FBXL18: variants seen among roughly 807,000 people sequenced by gnomAD.
FBXL18 encodes F-box/LRR-repeat protein 18.
In FBXL18, 36 loss-of-function variants were observed where a neutral mutation model predicts 46.0. The ratio of observed to expected loss-of-function variants is 0.78; its 90% confidence interval spans 0.60 to 1.03. The LOEUF (loss-of-function observed/expected upper bound fraction) is 1.03, where lower values mean the gene tolerates loss of function less well. FBXL18 is among the 50% of genes least tolerant of loss of function. FBXL18 has a pLI of 0.00. For missense variants in FBXL18, 977 were observed against 1,004.1 expected, an observed-to-expected ratio of 0.97 and a Z score of 0.36; for synonymous variants, 557 against 465.3, an observed-to-expected ratio of 1.20 and a Z score of -2.54.
In FBXL18 at chr7:5,481,703, A is replaced by T; in HGVS notation, c.*72T>A. ...GGCCCCCTTCCTCTTGTGACAAACC[A>T]AGGGTCCCTGGCGTCCCAGGCTCCT... On this transcript the variant is annotated 3_prime_UTR_variant, in exon 5 of 5. Coordinates refer to ENST00000382368, the MANE Select transcript of FBXL18 (RefSeq NM_024963.6). 1 of 1,544,540 alleles carries T rather than the reference A, an allele frequency of 6.5e-7. No individual in the cohort carries two copies. Among genetic ancestry groups the T allele is most frequent in the Non-Finnish European group, 8.8e-7 (1 of 1,130,802 alleles).
chr7:5,468,534 C>T (rs1396290022), intron 4 of FBXL18, among the ~76,000 whole-genome samples: 1 of 152,188 alleles, frequency 6.6e-6, no homozygotes, highest in Non-Finnish European at 1.5e-5. Context: ...TCCCTCTGTT[C>T]TACTTTTCGG....
intron 1 of FBXL18, among the ~76,000 whole-genome samples, chr7:5,506,266 T>G (rs1388960033): frequency 2.1e-5 from 3 of 145,548 alleles, no homozygotes; most frequent in African/African-American, 7.8e-5. Context: ...CTTTTTTTTT[T>G]TAGACAAGGT....
In FBXL18 at chr7:5,501,413, T is replaced by G; in HGVS notation, c.856A>C (p.Met286Leu). The G allele has an allele frequency of 6.2e-7, 1 of 1,613,578 alleles. No individual in the cohort carries two copies. The highest frequency in any genetic ancestry group is 8.5e-7 in the Non-Finnish European group (1 of 1,179,980). Residue 286 changes from methionine to leucine, a missense_variant, in exon 3 of 5, where the codon ATG (methionine) becomes CTG (leucine). Transcript: ENST00000382368. The part of the protein sequence containing the change: ...SGATKNLLDS[M>L]ARNVVLDALQ... The stretch of plus-strand genomic sequence containing the variant: ...GCATCCAGCACGACATTGCGCGCCA[T>G]GGAGTCCAGGAGGTTCTTGGTGGCG...
At chr7:5,484,009 A>T (rs912942998) in intron 4 of FBXL18, among the ~76,000 whole-genome samples, 1 of 152,300 alleles carries the variant, frequency 6.6e-6, no homozygotes, top group South Asian at 2.1e-4. Flanking sequence ...TAAAGACGCC[A>T]TCACACACCT....
chr7:5,490,899 C>T (rs1462373347), intron 4 of FBXL18, among the ~76,000 whole-genome samples: 3 of 152,216 alleles, frequency 2.0e-5, no homozygotes, highest in African/African-American at 7.2e-5. Context: ...GCGAAGGTCG[C>T]AGTGAGCCGA....
At chr7:5,474,189 G>A (rs1261914004), downstream of FBXL18, among the ~76,000 whole-genome samples, 2 of 152,116 alleles carry the variant, frequency 1.3e-5, no homozygotes, top group African/African-American at 4.8e-5. Flanking sequence ...AGGGGGCTGG[G>A]GAGTGAATGT....
At chr7:5,499,353 A>ACGACTGCTCTCTGAAC (rs1784168811) in intron 3 of FBXL18, among the ~76,000 whole-genome samples, 1 of 4,294 alleles carries the variant, frequency 2.3e-4, no homozygotes, top group Admixed American at 2.2e-3. Context: ...GCTCTCTGAA[A>ACGACTGCTCTCTGAAC]CGACTGCTCT....
At chr7:5,508,047 T>C (rs1784435976) in intron 1 of FBXL18, among the ~76,000 whole-genome samples, 1 of 151,816 alleles carries the variant, frequency 6.6e-6, no homozygotes, top group Non-Finnish European at 1.5e-5. Flanking sequence ...GGCAGGCGGA[T>C]CACGAAGTCA....
chr7:5,482,949 G>A (rs573302531), intron 4 of FBXL18, among the ~76,000 whole-genome samples: 1 of 150,730 alleles, frequency 6.6e-6, no homozygotes, highest in Non-Finnish European at 1.5e-5. Context: ...GAGGCAGGAG[G>A]ACCACTTGAG....
chr7:5,491,510 G>C, intron 3 of FBXL18, 61 bp from the exon 4 acceptor site: 1 of 1,399,980 alleles, frequency 7.1e-7, no homozygotes, highest in Non-Finnish European at 9.6e-7. Context: ...AGGCCAGCTG[G>C]GCGTCTGGAG....
At chr7:5,473,924 A>T (rs1783466693), downstream of FBXL18, among the ~76,000 whole-genome samples, 1 of 151,990 alleles carries the variant, frequency 6.6e-6, no homozygotes, top group Non-Finnish European at 1.5e-5. Context: ...CCTCCTAAGT[A>T]GCTGGGACTA....
intron 4 of FBXL18, among the ~76,000 whole-genome samples, chr7:5,490,405 T>C (rs1265174745): frequency 6.6e-6 from 1 of 152,180 alleles, no homozygotes; most frequent in Non-Finnish European, 1.5e-5. Context: ...TTGTGTTCAA[T>C]TCTAGGTGCT....
intron 4 of FBXL18, chr7:5,490,141 G>C (rs1783883028): frequency 1.5e-6 from 2 of 1,359,950 alleles, no homozygotes; most frequent in Non-Finnish European, 2.0e-6. Context: ...AGTGGCTCGA[G>C]ACGTCCTGGC....
At position 5,501,817 on chromosome 7, in the gene FBXL18, A is replaced by G. The variant is rs770094961; in HGVS notation, c.452T>C (p.Ile151Thr). 4.4e-5 allele frequency: 69 copies of G among 1,584,190 alleles called. No homozygotes were observed. Among genetic ancestry groups the G allele is most frequent in the Non-Finnish European group, 5.9e-5 (69 of 1,166,384 alleles). The change falls in exon 3 of 5, where the codon ATC (isoleucine) becomes ACC (threonine). Residue 151 changes from isoleucine to threonine, a missense_variant. Physicochemically the swap from Ile to Thr is moderately conservative, Grantham distance 89. Transcript: ENST00000382368. Reference protein sequence around the residue: ...SALQHLRSLAIDVSPGFDASQ... With the variant: ...SALQHLRSLATDVSPGFDASQ... ...GGCGTCGAAGCCGGGGCTCACGTCG[A>G]TGGCCAGCGAGCGCAGGTGCTGCAG...
At position 5,480,683 on chromosome 7, in the gene FBXL18, C is replaced by T. The variant is rs1207890105; in HGVS notation, c.*1092G>A. On this transcript the variant is annotated 3_prime_UTR_variant, in exon 5 of 5. Transcript: ENST00000382368. ...GGTTCAAACGATTCTCCTGCCTCAG[C>T]CTCCTGAGTAGCTAGGATTACAGGC... 1.3e-5 allele frequency: 2 copies of T among 149,700 alleles called. No homozygotes were observed. Among genetic ancestry groups the T allele is most frequent in the Admixed American group, 6.7e-5 (1 of 14,834 alleles). 9.3% of individuals were successfully genotyped at this position (149,700 alleles called of 1,614,324 possible).
At chr7:5,493,965 C>G (rs1784004158) in intron 3 of FBXL18, among the ~76,000 whole-genome samples, 1 of 151,918 alleles carries the variant, frequency 6.6e-6, no homozygotes, top group African/African-American at 2.4e-5. Context: ...CCTGTCACTA[C>G]TAAAAATACA....
At chr7:5,484,566 G>A (rs780878010) in intron 4 of FBXL18, among the ~76,000 whole-genome samples, 13 of 151,334 alleles carry the variant, frequency 8.6e-5, no homozygotes, top group Non-Finnish European at 1.8e-4. Flanking sequence ...AGACTGGAGT[G>A]CAGTGGCACA....
At chr7:5,506,877 A>G (rs920058325) in intron 1 of FBXL18, among the ~76,000 whole-genome samples, 56 of 152,184 alleles carry the variant, frequency 3.7e-4, no homozygotes, top group African/African-American at 1.3e-3. Flanking sequence ...GCTGTAGTTC[A>G]TATCTGGCAA....
chr7:5,500,752 A>G lies in FBXL18; in HGVS notation c.1517T>C (p.Ile506Thr), dbSNP rs1278607405. Residue 506 changes from isoleucine (I) to threonine (T), a missense_variant, in exon 3 of 5, where the codon ATC becomes ACC. Ile to Thr is a moderately conservative substitution (Grantham distance 89, BLOSUM62 -1). Transcript: ENST00000382368. ...GCTGCAGGGTGGGAGCGAGTTGCGG[A>G]TGGCGGGCTCGTTGCGGGGCATGGC... ...SSAMPRNEPAIRNSLPPCSRA... is the reference protein window; with the variant it reads ...SSAMPRNEPATRNSLPPCSRA... 1.2e-6 allele frequency: 2 copies of G among 1,612,340 alleles called. No individual in the cohort carries two copies. The highest frequency in any genetic ancestry group is 1.3e-5 in the African/African-American group (1 of 74,880).
Sources: allele counts gnomAD v4.1 joint callset (sites outside exome capture counted in the v4.1 genomes callset), GRCh38; gene constraint gnomAD v4.1.1; transcripts MANE v1.5; gene names NCBI Gene and HGNC (gene_info 2026-07-23, HGNC 2026-07-21).